Variants in CAST observed in about 807,000 individuals in gnomAD.
CAST encodes MIR583 host.
In CAST, 76 loss-of-function variants were observed where a neutral mutation model predicts 119.6. That is an observed-to-expected ratio of 0.64 (90% CI 0.53 to 0.77). The LOEUF (loss-of-function observed/expected upper bound fraction) is 0.77. Ranked by LOEUF, CAST falls within the 30% of genes least tolerant of loss-of-function variation. The pLI, the probability that CAST is intolerant of heterozygous loss-of-function variation, is 0.00. For missense variants in CAST, 953 were observed against 946.5 expected, an observed-to-expected ratio of 1.01 and a Z score of -0.09; for synonymous variants, 319 against 331.6, an observed-to-expected ratio of 0.96 and a Z score of 0.41.
At chr5:96,130,590 A>T in the CAST span, among the ~76,000 whole-genome samples, 16 of 152,084 alleles carry the variant, frequency 1.1e-4, no homozygotes, top group African/African-American at 3.9e-4. Context: ...TATGGAGGGT[A>T]TTGTTCTGCA....
the CAST span, among the ~76,000 whole-genome samples, chr5:96,505,352 T>C: frequency 2.0e-5 from 3 of 151,940 alleles, no homozygotes; most frequent in East Asian, 5.8e-4. Context: ...TGGTGGCGGG[T>C]GCCTGTAATC....
At chr5:96,521,113 C>T (rs1745509722), upstream of CAST, among the ~76,000 whole-genome samples, 1 of 152,130 alleles carries the variant, frequency 6.6e-6, no homozygotes, top group Admixed American at 6.5e-5. Context: ...GTTATGTTTG[C>T]CTCTTCCATG....
upstream of CAST, among the ~76,000 whole-genome samples, chr5:96,525,738 A>G (rs1162700137): frequency 6.6e-6 from 1 of 152,220 alleles, no homozygotes; most frequent in African/African-American, 2.4e-5. Flanking sequence ...GCATCATAGG[A>G]AACCAAACAA....
chr5:96,231,107 T>G, the CAST span, among the ~76,000 whole-genome samples: 1 of 152,156 alleles, frequency 6.6e-6, no homozygotes, highest in Non-Finnish European at 1.5e-5. Flanking sequence ...ATTTACCATA[T>G]GATCTAGCAA....
chr5:96,683,770 C>G (rs1212818683), intron 2 of CAST, among the ~76,000 whole-genome samples: 3 of 152,170 alleles, frequency 2.0e-5, no homozygotes, highest in Admixed American at 2.0e-4. Context: ...GATAGGTTTT[C>G]ATGAGCACTG....
the CAST span, among the ~76,000 whole-genome samples, chr5:96,312,493 AT>A: frequency 6.6e-6 from 1 of 152,218 alleles, no homozygotes; most frequent in South Asian, 2.1e-4. Context: ...CACCTCAGGA[AT>A]TTTACATCCC....
chr5:96,081,174 A>G, the CAST span, among the ~76,000 whole-genome samples: 2 of 152,232 alleles, frequency 1.3e-5, no homozygotes, highest in Non-Finnish European at 2.9e-5. Flanking sequence ...ATTCCTGACA[A>G]AGGAGTGAGA....
In CAST at chr5:96,747,358, A is replaced by G. The variant is rs367735052; in HGVS notation, c.1298A>G (p.Lys433Arg). ...RLKPATDKDG[K>R]PLLPEPEEKP... Reference sequence around the variant, plus strand: ...TTTCATTTACAGGATAAAGATGGAAAACCACTATTGCCAGAGCCTGAAGAA... The same window carrying G: ...TTTCATTTACAGGATAAAGATGGAAGACCACTATTGCCAGAGCCTGAAGAA... Residue 433 changes from lysine (K) to arginine (R), a missense_variant, in exon 18 of 32, where the codon AAA becomes AGA. By Grantham distance (26) the Lys-to-Arg change is conservative. Transcript: ENST00000675179. The G allele has an allele frequency of 1.9e-5, 30 of 1,600,054 alleles. No individual in the cohort carries two copies. The highest frequency in any genetic ancestry group is 2.5e-5 in the Non-Finnish European group (29 of 1,168,448).
the CAST span, among the ~76,000 whole-genome samples, chr5:96,440,713 G>A: frequency 8.5e-5 from 13 of 152,126 alleles, no homozygotes; most frequent in South Asian, 2.1e-4. Context: ...AGGGTTTGGC[G>A]TTAAGAAAGC....
the CAST span, among the ~76,000 whole-genome samples, chr5:96,426,659 T>C: frequency 6.6e-6 from 1 of 152,190 alleles, no homozygotes; most frequent in African/African-American, 2.4e-5. Flanking sequence ...CTTGTAGTTA[T>C]ATTCATTATG....
the CAST span, among the ~76,000 whole-genome samples, chr5:96,235,638 T>C: frequency 1.3e-5 from 2 of 152,130 alleles, no homozygotes; most frequent in African/African-American, 2.4e-5. Flanking sequence ...GTTCTGGGCT[T>C]TTTTTGTAGC....
chr5:96,765,398 T>G, intron 26 of CAST, 73 bp downstream of exon 26: 1 of 736,978 alleles, frequency 1.4e-6, no homozygotes, highest in Non-Finnish European at 2.3e-6. Context: ...GACTCTGTCA[T>G]TGTCATAGGA....
At chr5:96,100,070 CTCTTCTTAAGTTA>C in the CAST span, among the ~76,000 whole-genome samples, 1 of 152,082 alleles carries the variant, frequency 6.6e-6, no homozygotes, top group Non-Finnish European at 1.5e-5. Flanking sequence ...GGTGCTCAGG[CTCTTCTTAAGTTA>C]TCTTCAGTTT....
At chr5:96,399,948 C>T in the CAST span, 2 of 1,602,256 alleles carry the variant, frequency 1.2e-6, no homozygotes, top group Non-Finnish European at 1.7e-6. Flanking sequence ...CCAGGAGATA[C>T]TTACCTGGGC....
chr5:96,687,499 G>T (rs1166002616), intron 2 of CAST, among the ~76,000 whole-genome samples: 1 of 152,158 alleles, frequency 6.6e-6, no homozygotes, highest in Non-Finnish European at 1.5e-5. Flanking sequence ...GATGTTGTTT[G>T]GAAAGAACTA....
intron 1 of CAST, among the ~76,000 whole-genome samples, chr5:96,558,031 A>G (rs1324771452): frequency 1.3e-5 from 2 of 152,262 alleles, no homozygotes; most frequent in Admixed American, 6.5e-5. Context: ...CAATCAAACT[A>G]GAACTCAGGA....
the CAST span, among the ~76,000 whole-genome samples, chr5:96,112,934 C>G: frequency 2.0e-5 from 3 of 152,164 alleles, no homozygotes; most frequent in Non-Finnish European, 4.4e-5. Flanking sequence ...ATATCTCTTT[C>G]TATTGAATGC....
At chr5:96,598,774 T>C (rs941942579) in intron 1 of CAST, among the ~76,000 whole-genome samples, 1 of 152,166 alleles carries the variant, frequency 6.6e-6, no homozygotes. Flanking sequence ...CCCTCCCCAG[T>C]GTGGATGGCC....
chr5:96,743,641 A>G (rs746674914), intron 16 of CAST: 6 of 1,613,040 alleles, frequency 3.7e-6, no homozygotes, highest in East Asian at 4.5e-5. Flanking sequence ...GCCAGTTTCT[A>G]TCTTCGACTT....
Sources: gnomAD v4.1 joint callset for allele counts (sites outside exome capture counted in the v4.1 genomes callset) on GRCh38, gnomAD v4.1.1 for gene constraint, MANE v1.5 for transcripts, NCBI Gene and HGNC (gene_info 2026-07-23, HGNC 2026-07-21) for gene names.